Variants in TTC39B observed in about 807,000 individuals in gnomAD.
TTC39B encodes tetratricopeptide repeat protein 39B.
In TTC39B, 92 loss-of-function variants were observed where a neutral mutation model predicts 96.6. That is an observed-to-expected ratio of 0.95 (90% CI 0.80 to 1.13). The LOEUF (loss-of-function observed/expected upper bound fraction) is 1.13, where lower values mean the gene tolerates loss of function less well. TTC39B is among the 50% of genes most tolerant of loss of function. The pLI, the probability that TTC39B is intolerant of heterozygous loss-of-function variation, is 0.00. For synonymous variants in TTC39B, 367 were observed against 299.4 expected (o/e 1.23, Z -2.33); for missense variants, 955 against 809.3 (o/e 1.18, Z -2.18).
chr9:15,191,048 G>A, intron 10 of TTC39B, 142 bp downstream of exon 10: 1 of 664,894 alleles, frequency 1.5e-6, no homozygotes, highest in South Asian at 1.9e-5. Context: ...ACATGATCAA[G>A]AATCAAAGGC....
chr9:15,246,559 T>C (rs1822287787), intron 2 of TTC39B, among the ~76,000 whole-genome samples: 1 of 152,234 alleles, frequency 6.6e-6, no homozygotes, highest in African/African-American at 2.4e-5. Context: ...AGGTGGTCTC[T>C]GTGACTACTT....
At chr9:15,166,699 T>A (rs1455529907) in exon 20 of TTC39B, 1 of 151,802 alleles carries the variant, frequency 6.6e-6, no homozygotes, top group Non-Finnish European at 1.5e-5. Flanking sequence ...AAACAAGCAA[T>A]CTAACACTTA....
At chr9:15,274,984 A>T (rs1299694353) in intron 1 of TTC39B, among the ~76,000 whole-genome samples, 1 of 151,980 alleles carries the variant, frequency 6.6e-6, no homozygotes, top group Non-Finnish European at 1.5e-5. Context: ...GGATTAATAT[A>T]GTTCCCTGGT....
intron 1 of TTC39B, among the ~76,000 whole-genome samples, chr9:15,277,058 C>T (rs1823570391): frequency 6.6e-6 from 1 of 152,184 alleles, no homozygotes; most frequent in Non-Finnish European, 1.5e-5. Flanking sequence ...AATGTTAACT[C>T]CCTTTGCCCT....
chr9:15,293,880 T>G (rs1824278377), intron 1 of TTC39B, among the ~76,000 whole-genome samples: 1 of 152,194 alleles, frequency 6.6e-6, no homozygotes, highest in African/African-American at 2.4e-5. Flanking sequence ...TAAAGCAAAC[T>G]GTGGGCTGTA....
Position 15,215,729 on chromosome 9 carries a change from G to C in TTC39B, c.372-1480C>G, listed in dbSNP as rs548406499. Among the ~76,000 whole-genome samples the C allele has an allele frequency of 2.1e-4, 32 of 150,476 alleles. No individual in the cohort carries two copies. The South Asian group carries it at 4.9e-3, about 23-fold the overall frequency. The stretch of plus-strand genomic sequence containing the variant: ...AAAAATTAGCTAGGCTGGGTGTGGT[G>C]GTGCATTCTTTATAATCCCAGCTAC... On this transcript the variant is annotated intron_variant, in intron 3 of 19. Transcript: ENST00000512701.
chr9:15,194,498 CTT>C (rs1819040200), intron 8 of TTC39B, among the ~76,000 whole-genome samples: 1 of 152,164 alleles, frequency 6.6e-6, no homozygotes, highest in Non-Finnish European at 1.5e-5. Flanking sequence ...CATGCTGTCT[CTT>C]TCAAAAAACC....
At chr9:15,200,614 C>G (rs1426769167) in intron 7 of TTC39B, among the ~76,000 whole-genome samples, 2 of 152,212 alleles carry the variant, frequency 1.3e-5, no homozygotes, top group Non-Finnish European at 2.9e-5. Flanking sequence ...CAAATAACCA[C>G]TTGAAGGAAG....
chr9:15,183,011 G>T (rs987213010), intron 16 of TTC39B, among the ~76,000 whole-genome samples: 6 of 152,144 alleles, frequency 3.9e-5, no homozygotes, highest in Non-Finnish European at 8.8e-5. Context: ...TACCAGATGA[G>T]AATTTTTTTG....
At chr9:15,298,744 C>T (rs1202034836) in intron 1 of TTC39B, among the ~76,000 whole-genome samples, 1 of 151,846 alleles carries the variant, frequency 6.6e-6, no homozygotes, top group Non-Finnish European at 1.5e-5. Flanking sequence ...CATAATAAAT[C>T]CCCTCTCATC....
At chr9:15,285,885 T>G (rs1258105504) in intron 1 of TTC39B, among the ~76,000 whole-genome samples, 1 of 152,194 alleles carries the variant, frequency 6.6e-6, no homozygotes, top group Non-Finnish European at 1.5e-5. Context: ...AGGACACCTG[T>G]GTGCCATTTA....
At chr9:15,268,007 A>G in intron 1 of TTC39B, 59 bp from the exon 2 acceptor site, 3 of 1,524,606 alleles carry the variant, frequency 2.0e-6, no homozygotes, top group South Asian at 2.3e-5. Context: ...TTTCTCAAGA[A>G]TTCTAAAAGA....
rs754552403 is a variant in TTC39B, at chr9:15,186,993, G to A, written c.1438C>T (p.Pro480Ser). The change falls in exon 15 of 20, where the codon CCA (proline) becomes TCA (serine). Residue 480 changes from proline to serine, a missense_variant. By Grantham distance (74) the Pro-to-Ser change is moderately conservative (BLOSUM62 -1). Coordinates refer to ENST00000512701, the Ensembl canonical transcript of TTC39B. ...TTCGTTGCTACTACATCCTCCTCTGGAAGCATACTCAAAATTGCTGCTTTC... is the reference window on the plus strand; with the variant it reads ...TTCGTTGCTACTACATCCTCCTCTGAAAGCATACTCAAAATTGCTGCTTTC... The A allele has an allele frequency of 4.6e-5, 75 of 1,613,204 alleles. 1 individual carries two copies. In the East Asian group the frequency reaches 1.7e-3, roughly 36 times the overall value.
At chr9:15,165,092 A>C (rs1030211548) in exon 20 of TTC39B, 6 of 152,296 alleles carry the variant, frequency 3.9e-5, no homozygotes, top group African/African-American at 1.4e-4. Context: ...CACGCCTGTA[A>C]TCCCAGCACT....
chr9:15,238,209 G>A (rs1269830149), intron 2 of TTC39B, among the ~76,000 whole-genome samples: 1 of 151,984 alleles, frequency 6.6e-6, no homozygotes, highest in Non-Finnish European at 1.5e-5. Context: ...AAACAAATGA[G>A]GACACCCACT....
intron 1 of TTC39B, among the ~76,000 whole-genome samples, chr9:15,305,873 A>G (rs1226286910): frequency 6.6e-6 from 1 of 151,866 alleles, no homozygotes; most frequent in East Asian, 1.9e-4. Flanking sequence ...CTACAAACAG[A>G]TCGGGATTCA....
intron 2 of TTC39B, among the ~76,000 whole-genome samples, chr9:15,254,085 A>T (rs1459314698): frequency 1.3e-5 from 2 of 151,936 alleles, no homozygotes; most frequent in African/African-American, 4.8e-5. Context: ...CCCTTAAAAT[A>T]GCTTAATGCT....
At chr9:15,210,984 G>A (rs895780650) in intron 5 of TTC39B, among the ~76,000 whole-genome samples, 1 of 152,142 alleles carries the variant, frequency 6.6e-6, no homozygotes, top group Non-Finnish European at 1.5e-5. Flanking sequence ...TTGGCATGCA[G>A]TACCTAATGT....
exon 20 of TTC39B, chr9:15,170,713 T>C (rs1249548444): frequency 6.6e-6 from 1 of 152,100 alleles, no homozygotes; most frequent in Admixed American, 6.6e-5. Context: ...TTCTTCAAAA[T>C]GGAAATAGAA....
Sources: gnomAD v4.1 joint callset for allele counts (sites outside exome capture counted in the v4.1 genomes callset) on GRCh38, gnomAD v4.1.1 for gene constraint, MANE v1.5 for transcripts, NCBI Gene and HGNC (gene_info 2026-07-23, HGNC 2026-07-21) for gene names.